The following RAB20 variants were observed in gnomAD, a reference collection of about 807,000 sequenced individuals.
RAB20 encodes the protein RAB20, member RAS oncogene family.
Under a neutral mutation model 3.7 loss-of-function variants are expected in RAB20, and 2 were observed. That is an observed-to-expected ratio of 0.54 (90% CI 0.22 to 1.69). The LOEUF (loss-of-function observed/expected upper bound fraction) is 1.69, where lower values mean the gene tolerates loss of function less well. Among genes scored for constraint, RAB20 ranks in the 40% most tolerant of loss-of-function variants. RAB20 has a pLI of 0.19. For missense variants in RAB20, 276 were observed against 311.9 expected (o/e 0.88, Z 0.87); for synonymous variants, 126 against 130.8 (o/e 0.96, Z 0.25).
At position 110,523,551 on chromosome 13, in the gene RAB20, G is replaced by A. The variant is rs970865040; in HGVS notation, c.*114C>T. On this transcript the variant is annotated 3_prime_UTR_variant, in exon 2 of 2. Transcript: ENST00000267328. ...CATTTCCACTCCAACATTCTGCTGC[G>A]GGTGTCATTCTGGAAAATAATTCCT... The A allele has an allele frequency of 1.6e-5, 23 of 1,479,394 alleles. No homozygotes were observed. The highest frequency in any genetic ancestry group is 1.4e-4 in the East Asian group (6 of 42,132). 91.6% of individuals were successfully genotyped at this position (1,479,394 alleles called of 1,614,324 possible).
chr13:110,550,605 C>T (rs1254129845), intron 1 of RAB20, among the ~76,000 whole-genome samples: 1 of 152,124 alleles, frequency 6.6e-6, no homozygotes, highest in Non-Finnish European at 1.5e-5. Flanking sequence ...ACAGGAGTTT[C>T]CTGTGTCAAT....
intron 1 of RAB20, among the ~76,000 whole-genome samples, chr13:110,543,307 T>C (rs770821109): frequency 6.6e-6 from 1 of 152,136 alleles, no homozygotes; most frequent in East Asian, 1.9e-4. Context: ...TTTTCTTATT[T>C]TTTTGTAGAG....
At position 110,523,356 on chromosome 13, in the gene RAB20, C is replaced by T. The variant is rs768775264; in HGVS notation, c.*309G>A. ...TCTGCCTCTGCAAGGGCAAGGGGGC[C>T]GTTGGTGGCTGGCTGCAAAGGACCA... is the stretch of plus-strand genomic sequence containing the variant. On this transcript the variant is annotated 3_prime_UTR_variant, in exon 2 of 2. Transcript: ENST00000267328. 7.6e-6 allele frequency: 4 copies of T among 527,524 alleles called. No individual in the cohort carries two copies. Among genetic ancestry groups the T allele is most frequent in the Admixed American group, 3.6e-5 (1 of 27,578 alleles). The allele number at this position is 527,524 out of a possible 1,614,324, so 32.7% of individuals were successfully genotyped here.
rs570411731 is a variant in RAB20 at position 110,531,485 on chromosome 13, G to A, written c.173-7288C>T. Among the ~76,000 whole-genome samples, 7 of 152,312 alleles carry A rather than the reference G, an allele frequency of 4.6e-5. No individual in the cohort carries two copies. The South Asian group carries it at 1.0e-3, about 23-fold the overall frequency. The stretch of plus-strand genomic sequence containing the variant: ...GACAGACTACATTCAAATCCCCACC[G>A]TGTGACCTTGGGCAAGTCACTTAGA... On this transcript the variant is annotated intron_variant, in intron 1 of 1. Transcript: ENST00000267328.
chr13:110,554,801 A>G (rs561922392), intron 1 of RAB20, among the ~76,000 whole-genome samples: 1 of 152,350 alleles, frequency 6.6e-6, no homozygotes, highest in African/African-American at 2.4e-5. Context: ...CTCTGAGGCC[A>G]GAGAGGGCCT....
At chr13:110,557,800 C>T (rs987777039) in intron 1 of RAB20, among the ~76,000 whole-genome samples, 2 of 152,200 alleles carry the variant, frequency 1.3e-5, no homozygotes, top group Non-Finnish European at 2.9e-5. Context: ...CCCCTGCTCC[C>T]CCCGCCTCCC....
intron 1 of RAB20, among the ~76,000 whole-genome samples, chr13:110,548,888 G>A (rs1884900885): frequency 6.6e-6 from 1 of 152,188 alleles, no homozygotes; most frequent in Non-Finnish European, 1.5e-5. Flanking sequence ...AAGGCACTGA[G>A]TGTGATGTCT....
intron 1 of RAB20, among the ~76,000 whole-genome samples, chr13:110,525,529 C>G (rs1485158224): frequency 6.6e-6 from 1 of 152,236 alleles, no homozygotes; most frequent in Non-Finnish European, 1.5e-5. Context: ...CCAGTCCACT[C>G]AAGGGCTACC....
chr13:110,560,459 GTA>G (rs1367418669), intron 1 of RAB20, among the ~76,000 whole-genome samples: 2 of 152,220 alleles, frequency 1.3e-5, no homozygotes, highest in Admixed American at 1.3e-4. Flanking sequence ...GGGCCTTTGG[GTA>G]TATGACTTTT....
At chr13:110,530,677 T>C (rs113296417) in intron 1 of RAB20, among the ~76,000 whole-genome samples, 9 of 78,580 alleles carry the variant, frequency 1.1e-4, no homozygotes, top group Non-Finnish European at 1.7e-4. Flanking sequence ...CACAGGACCC[T>C]GGGGAAGTAG....
chr13:110,525,844 C>T (rs966067202), intron 1 of RAB20, among the ~76,000 whole-genome samples: 2 of 152,230 alleles, frequency 1.3e-5, no homozygotes, highest in Non-Finnish European at 2.9e-5. Context: ...CCCCCACCTG[C>T]CTCTCGAGGA....
chr13:110,527,060 T>C (rs1005752496), intron 1 of RAB20, among the ~76,000 whole-genome samples: 1 of 151,996 alleles, frequency 6.6e-6, no homozygotes, highest in African/African-American at 2.4e-5. Flanking sequence ...CCTGCACACA[T>C]GTGGCTCTCT....
At chr13:110,526,920 C>T (rs114237712) in intron 1 of RAB20, among the ~76,000 whole-genome samples, 4,334 of 152,232 alleles carry the variant, frequency 0.028, 232 homozygotes, top group African/African-American at 0.099. Context: ...TGTGACTGCA[C>T]GCACTTGGGC....
intron 1 of RAB20, among the ~76,000 whole-genome samples, chr13:110,559,488 G>A (rs1191371953): frequency 6.6e-6 from 1 of 151,850 alleles, no homozygotes; most frequent in African/African-American, 2.4e-5. Context: ...CAGGCCACAG[G>A]CCACCGAGGA....
At chr13:110,550,862 TATTGA>T (rs1884940744) in intron 1 of RAB20, among the ~76,000 whole-genome samples, 1 of 152,198 alleles carries the variant, frequency 6.6e-6, no homozygotes, top group African/African-American at 2.4e-5. Context: ...TTTGCAATGA[TATTGA>T]ACTCAAAAGA....
intron 1 of RAB20, among the ~76,000 whole-genome samples, chr13:110,559,096 T>G (rs1885090026): frequency 6.6e-6 from 1 of 152,120 alleles, no homozygotes; most frequent in Admixed American, 6.5e-5. Context: ...TTCCCCCTCT[T>G]CAGCTCCATC....
At chr13:110,549,816 T>C (rs1268838921) in intron 1 of RAB20, among the ~76,000 whole-genome samples, 1 of 152,122 alleles carries the variant, frequency 6.6e-6, no homozygotes, top group Admixed American at 6.5e-5. Flanking sequence ...TGCCGCCTCC[T>C]GGGTTCGAAC....
At chr13:110,533,279 A>C (rs1244564167) in intron 1 of RAB20, among the ~76,000 whole-genome samples, 1 of 152,212 alleles carries the variant, frequency 6.6e-6, no homozygotes, top group East Asian at 1.9e-4. Context: ...TATTTTGTAA[A>C]GTTGATGAGT....
chr13:110,534,437 G>C (rs1884604584), intron 1 of RAB20, among the ~76,000 whole-genome samples: 1 of 152,156 alleles, frequency 6.6e-6, no homozygotes, highest in Non-Finnish European at 1.5e-5. Flanking sequence ...CCTACAAAGA[G>C]GTGCTGCCAC....
Sources: gnomAD v4.1 joint callset for allele counts (sites outside exome capture counted in the v4.1 genomes callset) on GRCh38, gnomAD v4.1.1 for gene constraint, MANE v1.5 for transcripts, NCBI Gene and HGNC (gene_info 2026-07-23, HGNC 2026-07-21) for gene names.